DST: variants seen among roughly 807,000 people sequenced by gnomAD.
The protein encoded by DST is bullous pemphigoid antigen.
In DST, 253 loss-of-function variants were observed where a neutral mutation model predicts 875.2. The observed-to-expected ratio is 0.29, with a 90% CI of 0.26 to 0.32. DST has a LOEUF of 0.32. Ranked by LOEUF, DST falls within the 10% of genes least tolerant of loss-of-function variation. The pLI is 1.00. For synonymous variants in DST, 3,124 were observed against 3,197.1 expected, an observed-to-expected ratio of 0.98 and a Z score of 0.77; for missense variants, 8,287 against 9,111.6, an observed-to-expected ratio of 0.91 and a Z score of 3.68.
chr6:56,469,776 TA>T, intron 97 of DST, 106 bp downstream of exon 97: 4 of 972,704 alleles, frequency 4.1e-6, no homozygotes, highest in Non-Finnish European at 6.4e-6. Context: ...TGACATGAGG[TA>T]AAAAAGTAAA....
chr6:56,665,127 T>C (rs2099065789), intron 10 of DST, among the ~76,000 whole-genome samples: 1 of 152,200 alleles, frequency 6.6e-6, no homozygotes, highest in Non-Finnish European at 1.5e-5. Context: ...TTGCTCTTAC[T>C]CGTTCTAAAA....
In DST at chr6:56,845,972, T is replaced by C. The variant is rs564085096; in HGVS notation, c.625+5425A>G. ...GAAGAGGCAAAAGCGTAGCAGTAAA[T>C]AGCTTGGACTTTGGAGTAAAGACTG... On this transcript the variant is annotated intron_variant, in intron 4 of 103. Coordinates refer to ENST00000680361, the MANE Select transcript of DST (RefSeq NM_001374736.1). Among the ~76,000 whole-genome samples the C allele has an allele frequency of 3.3e-5, 5 of 152,334 alleles. No individual in the cohort carries two copies. In the East Asian group the frequency reaches 9.6e-4, roughly 29 times the overall value.
chr6:56,460,091 G>T, intron 103 of DST, 40 bp downstream of exon 103: 1 of 1,571,846 alleles, frequency 6.4e-7, no homozygotes, highest in Admixed American at 1.8e-5. Flanking sequence ...AGATGACCAT[G>T]CTGCAAAAGC....
At chr6:56,661,963 AATAC>A (rs1253304648) in intron 10 of DST, among the ~76,000 whole-genome samples, 2 of 152,178 alleles carry the variant, frequency 1.3e-5, no homozygotes, top group Non-Finnish European at 2.9e-5. Context: ...CTAAACTCGT[AATAC>A]ATGCATGCTT....
At chr6:56,719,101 G>GA (rs1269692424) in intron 5 of DST, among the ~76,000 whole-genome samples, 1 of 151,982 alleles carries the variant, frequency 6.6e-6, no homozygotes, top group Non-Finnish European at 1.5e-5. Context: ...CACTCCTTTT[G>GA]AAAAAATGGA....
At chr6:56,799,367 T>C (rs1251562032) in intron 4 of DST, among the ~76,000 whole-genome samples, 5 of 151,974 alleles carry the variant, frequency 3.3e-5, no homozygotes, top group Non-Finnish European at 5.9e-5. Context: ...TTTTTTTTTT[T>C]TTTAAATCAC....
At chr6:56,622,666 A>G (rs1234040597) in intron 36 of DST, among the ~76,000 whole-genome samples, 3 of 151,574 alleles carry the variant, frequency 2.0e-5, no homozygotes, top group African/African-American at 4.8e-5. Flanking sequence ...CCAATTGCTG[A>G]CTTGCTTTCT....
intron 3 of DST, among the ~76,000 whole-genome samples, chr6:56,888,263 T>C (rs1170592282): frequency 1.3e-5 from 2 of 152,122 alleles, no homozygotes; most frequent in African/African-American, 4.8e-5. Context: ...TGAAATCTTT[T>C]ATAAAATTCT....
intron 55 of DST, 73 bp from the exon 56 acceptor site, chr6:56,562,273 A>G: frequency 9.9e-7 from 1 of 1,008,588 alleles, no homozygotes. Context: ...ATGGCATTAA[A>G]TCAAACCCCA....
intron 4 of DST, among the ~76,000 whole-genome samples, chr6:56,850,486 T>C (rs1764600377): frequency 6.7e-6 from 1 of 150,118 alleles, no homozygotes; most frequent in Non-Finnish European, 1.5e-5. Context: ...AAAGGAAGCC[T>C]GAACCACTGG....
At chr6:56,888,622 C>T (rs1321587966) in intron 3 of DST, among the ~76,000 whole-genome samples, 1 of 152,130 alleles carries the variant, frequency 6.6e-6, no homozygotes, top group African/African-American at 2.4e-5. Flanking sequence ...GAAAGGAACA[C>T]AGAAACACCC....
rs571956480 is a variant in DST, at chr6:56,868,753, G to A, written c.418-17149C>T. Among the ~76,000 whole-genome samples, 15 of 152,302 alleles carry A rather than the reference G, an allele frequency of 9.8e-5. No individual in the cohort carries two copies. In the East Asian group the frequency reaches 2.5e-3, roughly 25 times the overall value. ...TTCCATGAACATTTTCTCTATTGGA[G>A]TTTTAGGTTCAACTCCAAATTATAA... On this transcript the variant is annotated intron_variant, in intron 3 of 103. Transcript: ENST00000680361.
At chr6:56,622,842 T>A (rs1275928834) in intron 36 of DST, among the ~76,000 whole-genome samples, 1 of 152,210 alleles carries the variant, frequency 6.6e-6, no homozygotes, top group African/African-American at 2.4e-5. Context: ...GATATTTTAG[T>A]AACATTTCTT....
rs2098811562 is a variant in DST, at chr6:56,634,901, C to G, written c.3239G>C (p.Gly1080Ala). Residue 1080 changes from glycine (G) to alanine (A), a missense_variant, in exon 25 of 104, where the codon GGA becomes GCA. This residue lies in a region of DST where 1,160 missense variants were observed against 1,424.3 expected (regional missense o/e 0.81). Coordinates refer to ENST00000680361, the MANE Select transcript of DST (RefSeq NM_001374736.1). ...QYKSTIANLMGKAKTIIQLKP... is the reference protein window; with the variant it reads ...QYKSTIANLMAKAKTIIQLKP... ...CAGTTGAATTATTGTTTTTGCTTTT[C>G]CCATTAGGTTTGCTATAGTGCTTTT... 2 of 1,613,420 alleles carry G rather than the reference C, an allele frequency of 1.2e-6. No individual in the cohort carries two copies. The highest frequency in any genetic ancestry group is 2.7e-5 in the African/African-American group (2 of 74,908).
Position 56,651,114 on chromosome 6 carries a change from A to T in DST, c.1327+18T>A, listed in dbSNP as rs950534674. 18 of 1,596,068 alleles carry T rather than the reference A, an allele frequency of 1.1e-5. No individual in the cohort carries two copies. In the African/African-American group the frequency reaches 2.3e-4, roughly 20 times the overall value. ...AGACTTTCATGCCAGTCCACATATA[A>T]TCAAGAAAATAACTCACCTTCAGGG... On this transcript the variant is annotated intron_variant, in intron 11 of 103. Coordinates refer to ENST00000680361, the MANE Select transcript of DST (RefSeq NM_001374736.1).
At chr6:56,898,763 A>G (rs2127685140) in intron 3 of DST, among the ~76,000 whole-genome samples, 1 of 152,302 alleles carries the variant, frequency 6.6e-6, no homozygotes. Flanking sequence ...TGTACTTGGT[A>G]AATTCCTCCT....
intron 9 of DST, among the ~76,000 whole-genome samples, chr6:56,673,009 C>T (rs1234993468): frequency 6.6e-6 from 1 of 152,064 alleles, no homozygotes; most frequent in Non-Finnish European, 1.5e-5. Flanking sequence ...AATCCCAGCA[C>T]ATTGGGAGGC....
chr6:56,804,705 A>C (rs1428053349), intron 4 of DST, among the ~76,000 whole-genome samples: 2 of 150,988 alleles, frequency 1.3e-5, no homozygotes, highest in Admixed American at 1.3e-4. Flanking sequence ...TCCTCCCCAG[A>C]TCTTGTTAGA....
intron 3 of DST, among the ~76,000 whole-genome samples, chr6:56,867,017 T>A (rs192553723): frequency 1.2e-4 from 18 of 152,302 alleles, no homozygotes; most frequent in African/African-American, 3.6e-4. Context: ...GAACAACAGA[T>A]TTAAAGCACA....
Sources: allele counts gnomAD v4.1 joint callset (sites outside exome capture counted in the v4.1 genomes callset), GRCh38; gene constraint gnomAD v4.1.1; regional missense constraint gnomAD v4.1.1; transcripts MANE v1.5; gene names NCBI Gene and HGNC (gene_info 2026-07-23, HGNC 2026-07-21).